METTL13: variants seen among roughly 807,000 people sequenced by gnomAD.
METTL13 encodes the protein methyltransferase 13, eEF1A N-terminus and K55.
A neutral mutation model predicts 67.4 loss-of-function variants in METTL13; 52 were observed. That is an observed-to-expected ratio of 0.77 (90% CI 0.62 to 0.97). The LOEUF (loss-of-function observed/expected upper bound fraction) is 0.97, where lower values mean the gene tolerates loss of function less well. METTL13 is among the 50% of genes least tolerant of loss of function. The pLI is 0.00. For synonymous variants in METTL13, 354 were observed against 353.6 expected, an observed-to-expected ratio of 1.00 and a Z score of -0.01; for missense variants, 825 against 889.6, an observed-to-expected ratio of 0.93 and a Z score of 0.92.
At chr1:171,791,917 T>C (rs1394007519) in intron 5 of METTL13, 100 bp from the exon 6 acceptor site, 9 of 1,205,860 alleles carry the variant, frequency 7.5e-6, no homozygotes, top group South Asian at 2.6e-5. Context: ...ATCCCCTGAA[T>C]GGAGACAGTG....
intron 5 of METTL13, among the ~76,000 whole-genome samples, chr1:171,791,310 T>C (rs1657196877): frequency 6.6e-6 from 1 of 152,186 alleles, no homozygotes; most frequent in Non-Finnish European, 1.5e-5. Context: ...CTGTGATTTG[T>C]GGAACTTGAA....
At chr1:171,793,261 G>T (rs1328591209) in intron 6 of METTL13, among the ~76,000 whole-genome samples, 1 of 152,210 alleles carries the variant, frequency 6.6e-6, no homozygotes, top group Non-Finnish European at 1.5e-5. Flanking sequence ...CAGTTTCGTA[G>T]GTTCCCTCTC....
chr1:171,792,329 G>T (rs1657236718), intron 6 of METTL13, 94 bp downstream of exon 6: 2 of 1,370,242 alleles, frequency 1.5e-6, no homozygotes, highest in Non-Finnish European at 2.0e-6. Flanking sequence ...CTCTAAGAGA[G>T]TGGCATGAGT....
chr1:171,795,193 T>A (rs537035521), intron 7 of METTL13, among the ~76,000 whole-genome samples: 1 of 152,322 alleles, frequency 6.6e-6, no homozygotes, highest in South Asian at 2.1e-4. Context: ...TTCACAGTGT[T>A]GTGTTTACAT....
At chr1:171,789,388 C>T (rs759677930) in intron 4 of METTL13, among the ~76,000 whole-genome samples, 15 of 151,990 alleles carry the variant, frequency 9.9e-5, no homozygotes, top group Non-Finnish European at 1.9e-4. Flanking sequence ...GGATTTATTT[C>T]CTTTTTTGAA....
chr1:171,792,519 A>G (rs1657242121), intron 6 of METTL13, among the ~76,000 whole-genome samples: 1 of 152,182 alleles, frequency 6.6e-6, no homozygotes, highest in Non-Finnish European at 1.5e-5. Flanking sequence ...TCATTTCCTC[A>G]CCATCTTAAG....
Position 171,797,024 on chromosome 1 carries a change from C to T in METTL13, c.*268C>T, listed in dbSNP as rs2029863482. On this transcript the variant is annotated 3_prime_UTR_variant, in exon 8 of 8. Coordinates refer to ENST00000361735, the MANE Select transcript of METTL13 (RefSeq NM_015935.5). ...CTTGAGTGGAGTTCCCTGCTGAAGC[C>T]CCTAGCACACACTGCATGCCTTAAC... 2.2e-6 allele frequency: 1 copy of T among 445,056 alleles called. No individual in the cohort carries two copies. Among genetic ancestry groups the T allele is most frequent in the Admixed American group, 3.6e-5 (1 of 27,528 alleles). 27.6% of individuals were successfully genotyped at this position (445,056 alleles called of 1,614,324 possible). A position where few individuals can be genotyped will look rare whatever the true frequency, so the allele number is the denominator to read the frequency against.
Position 171,793,965 on chromosome 1 carries a change from T to C in METTL13, c.1694-431T>C, listed in dbSNP as rs74905104. On this transcript the variant is annotated intron_variant, in intron 6 of 7. Transcript: ENST00000361735. ...AAAGCTCAAGAAAAATACCAGAGGCTTCCCATCTCTCCTCCCATCTGCCCC... is the reference window on the plus strand; with the variant it reads ...AAAGCTCAAGAAAAATACCAGAGGCCTCCCATCTCTCCTCCCATCTGCCCC... 8.5e-5 allele frequency among the ~76,000 whole-genome samples: 13 copies of C among 152,336 alleles called. 1 individual carries two copies. In the East Asian group the frequency reaches 2.5e-3, roughly 29 times the overall value.
intron 4 of METTL13, among the ~76,000 whole-genome samples, chr1:171,788,245 C>A (rs529885999): frequency 2.6e-5 from 4 of 152,308 alleles, no homozygotes; most frequent in Non-Finnish European, 4.4e-5. Context: ...GTGAGGTGAG[C>A]CAGAACTATG....
chr1:171,796,079 C>G (rs554810336), intron 7 of METTL13, among the ~76,000 whole-genome samples: 8 of 152,144 alleles, frequency 5.3e-5, no homozygotes, highest in African/African-American at 1.9e-4. Context: ...TTTGGCCAGG[C>G]TGGTCTCAAA....
Position 171,784,381 on chromosome 1 carries a change from G to A in METTL13, c.795G>A (p.Leu265=). 1 of 1,569,322 alleles carries A rather than the reference G, an allele frequency of 6.4e-7. No homozygotes were observed. The highest frequency in any genetic ancestry group is 8.6e-7 in the Non-Finnish European group (1 of 1,157,582). ...GCCAGCTGCGCCGCAAGGCCAGGCT[G>A]GGGAGTGTGTCTCTGGACTTGTGCG... is the stretch of plus-strand genomic sequence containing the variant. ...LCSQLRRKAR[L]GSVSLDLCDG... The change falls in exon 2 of 8, where the codon CTG becomes CTA. Residue 265 remains leucine, a synonymous_variant. Coordinates refer to ENST00000361735, the MANE Select transcript of METTL13 (RefSeq NM_015935.5).
At chr1:171,787,668 G>C in intron 3 of METTL13, 67 bp from the exon 4 acceptor site, 1 of 1,431,304 alleles carries the variant, frequency 7.0e-7, no homozygotes, top group South Asian at 1.3e-5. Context: ...AAAAGGGAAG[G>C]GGTTATAATT....
chr1:171,782,071 A>G lies in METTL13; in HGVS notation c.104A>G (p.Tyr35Cys). 1.2e-6 allele frequency: 2 copies of G among 1,614,114 alleles called. No individual in the cohort carries two copies. The highest frequency in any genetic ancestry group is 1.1e-5 in the South Asian group (1 of 91,082). Residue 35 changes from tyrosine (Y) to cysteine (C), a missense_variant, in exon 1 of 8, where the codon TAC (tyrosine) becomes TGC (cysteine). Transcript: ENST00000361735. ...GKKAFEWYGT[Y>C]LELCGVLHKY... ...AAAGCTTTCGAGTGGTATGGAACCT[A>G]CCTGGAACTGTGCGGGGTGCTACAT...
In METTL13 at chr1:171,790,967, A is replaced by G. The variant is rs1032788303; in HGVS notation, c.1474+351A>G. ...TTATTTGAACAAAAGATGCAATTCT[A>G]TCTTGAATTTCTACTTTCTGAAAAG... On this transcript the variant is annotated intron_variant, in intron 5 of 7. Coordinates refer to ENST00000361735, the MANE Select transcript of METTL13 (RefSeq NM_015935.5). 3.0e-5 allele frequency: 5 copies of G among 167,924 alleles called. No individual in the cohort carries two copies. In the South Asian group the frequency reaches 7.9e-4, roughly 26 times the overall value. 10.4% of individuals were successfully genotyped at this position (167,924 alleles called of 1,614,324 possible).
At chr1:171,787,478 T>G (rs1029332834) in intron 3 of METTL13, among the ~76,000 whole-genome samples, 1 of 152,094 alleles carries the variant, frequency 6.6e-6, no homozygotes, top group African/African-American at 2.4e-5. Context: ...TAAAAGAACT[T>G]GGGGAGAATC....
intron 6 of METTL13, among the ~76,000 whole-genome samples, chr1:171,793,901 C>T (rs570311509): frequency 2.0e-5 from 3 of 152,202 alleles, no homozygotes; most frequent in Admixed American, 6.5e-5. Flanking sequence ...TTGTCTAGAT[C>T]AGTGGTTCTC....
At chr1:171,784,583 G>A (rs770292872) in intron 2 of METTL13, 84 bp downstream of exon 2, 1 of 1,397,482 alleles carries the variant, frequency 7.2e-7, no homozygotes, top group South Asian at 1.7e-5. Context: ...GCTGAGGCTG[G>A]GCTGGGGCTT....
At chr1:171,783,695 C>G in intron 1 of METTL13, 45 bp from the exon 2 acceptor site, 1 of 1,563,902 alleles carries the variant, frequency 6.4e-7, no homozygotes, top group Non-Finnish European at 8.7e-7. Context: ...AAGTACAGTC[C>G]TTTGCTTTGA....
intron 2 of METTL13, among the ~76,000 whole-genome samples, chr1:171,784,818 G>C (rs976209592): frequency 6.6e-6 from 1 of 152,210 alleles, no homozygotes; most frequent in African/African-American, 2.4e-5. Flanking sequence ...ATATGATATA[G>C]AGATGCTAGT....
Sources: gnomAD v4.1 joint callset for allele counts (sites outside exome capture counted in the v4.1 genomes callset) on GRCh38, gnomAD v4.1.1 for gene constraint, MANE v1.5 for transcripts, NCBI Gene and HGNC (gene_info 2026-07-23, HGNC 2026-07-21) for gene names.